Variants in ST6GALNAC5 observed in about 807,000 individuals in gnomAD.
ST6GALNAC5 encodes ST6 N-acetylgalactosaminide alpha-2,6-sialyltransferase 5, also known as alpha-N-acetylgalactosaminide alpha-2,6-sialyltransferase 5.
A neutral mutation model predicts 33.6 loss-of-function variants in ST6GALNAC5; 27 were observed. The observed-to-expected ratio is 0.80, with a 90% CI of 0.59 to 1.11. ST6GALNAC5 has a LOEUF of 1.11. Ranked by LOEUF, ST6GALNAC5 falls within the 50% of genes least tolerant of loss-of-function variation. The pLI is 0.00. For synonymous variants in ST6GALNAC5, 194 were observed against 171.2 expected (o/e 1.13, Z -1.04); for missense variants, 428 against 454.0 (o/e 0.94, Z 0.52).
chr1:76,898,851 G>A (rs777384540), intron 2 of ST6GALNAC5, among the ~76,000 whole-genome samples: 18 of 152,224 alleles, frequency 1.2e-4, no homozygotes, highest in African/African-American at 4.3e-4. Flanking sequence ...GCTCGGCCTG[G>A]CGAGGAAGGG....
At chr1:76,906,617 T>C (rs965623258) in intron 2 of ST6GALNAC5, among the ~76,000 whole-genome samples, 4 of 152,160 alleles carry the variant, frequency 2.6e-5, no homozygotes, top group Non-Finnish European at 4.4e-5. Flanking sequence ...CAAGAATTTA[T>C]AAAGATACTT....
At chr1:76,915,875 C>CAAAAAAAA (rs527844179) in intron 2 of ST6GALNAC5, among the ~76,000 whole-genome samples, 1 of 139,050 alleles carries the variant, frequency 7.2e-6, no homozygotes, top group African/African-American at 2.6e-5. Flanking sequence ...TGAAAAATAA[C>CAAAAAAAA]AAAAAAAAAA....
Position 77,061,556 on chromosome 1 carries a change from G to T in ST6GALNAC5, c.780-1419G>T, listed in dbSNP as rs555206925. Among the ~76,000 whole-genome samples, 77 of 152,350 alleles carry T rather than the reference G, an allele frequency of 5.1e-4. No homozygotes were observed. In the South Asian group the frequency reaches 0.016, roughly 31 times the overall value. ...TCAGGCTCTGAAAGATGATTTGCAA[G>T]ATGCTGGGAAGCCTGGGCCTTTTCT... is the stretch of plus-strand genomic sequence containing the variant. On this transcript the variant is annotated intron_variant, in intron 4 of 4. Transcript: ENST00000477717.
chr1:76,974,726 T>C (rs1397978933), intron 2 of ST6GALNAC5, among the ~76,000 whole-genome samples: 2 of 150,294 alleles, frequency 1.3e-5, no homozygotes, highest in Non-Finnish European at 3.0e-5. Flanking sequence ...AGTCTTATAA[T>C]TTCTTCTCTT....
At chr1:76,964,798 C>A (rs1307014328) in intron 2 of ST6GALNAC5, among the ~76,000 whole-genome samples, 2 of 152,078 alleles carry the variant, frequency 1.3e-5, no homozygotes, top group African/African-American at 4.8e-5. Flanking sequence ...AGATGTTCCC[C>A]ACCCTGTGTC....
intron 2 of ST6GALNAC5, among the ~76,000 whole-genome samples, chr1:76,890,007 G>T (rs982805631): frequency 6.6e-6 from 1 of 151,948 alleles, no homozygotes; most frequent in African/African-American, 2.4e-5. Context: ...TATGTGTGTT[G>T]TTTGTGTTCT....
chr1:76,959,004 T>A (rs189695491), intron 2 of ST6GALNAC5, among the ~76,000 whole-genome samples: 46 of 152,314 alleles, frequency 3.0e-4, no homozygotes, highest in African/African-American at 1.0e-3. Context: ...CCTCCTCCTC[T>A]GCCTCCTCCT....
chr1:77,006,098 T>G (rs1193340714), intron 2 of ST6GALNAC5, among the ~76,000 whole-genome samples: 1 of 152,128 alleles, frequency 6.6e-6, no homozygotes, highest in Non-Finnish European at 1.5e-5. Context: ...ACTCTATGTT[T>G]AATTTATTGA....
chr1:77,039,640 A>C (rs1184737203), intron 2 of ST6GALNAC5, among the ~76,000 whole-genome samples: 1 of 152,224 alleles, frequency 6.6e-6, no homozygotes, highest in Non-Finnish European at 1.5e-5. Flanking sequence ...GTATTAATTA[A>C]ATGATTTTTC....
intron 2 of ST6GALNAC5, among the ~76,000 whole-genome samples, chr1:76,979,636 G>T (rs553005450): frequency 7.9e-5 from 12 of 152,218 alleles, no homozygotes; most frequent in African/African-American, 2.9e-4. Context: ...AATTAAGACT[G>T]TAATGTAAGA....
intron 2 of ST6GALNAC5, among the ~76,000 whole-genome samples, chr1:76,939,280 A>G (rs1003855567): frequency 2.0e-5 from 3 of 152,050 alleles, no homozygotes; most frequent in Non-Finnish European, 4.4e-5. Flanking sequence ...AGGAAAGCGA[A>G]ACAACATTAT....
chr1:77,013,083 A>C (rs927139956), intron 2 of ST6GALNAC5, among the ~76,000 whole-genome samples: 3 of 152,168 alleles, frequency 2.0e-5, no homozygotes, highest in Non-Finnish European at 4.4e-5. Context: ...CAGTGTGTGC[A>C]CAAGAGGACA....
intron 2 of ST6GALNAC5, among the ~76,000 whole-genome samples, chr1:77,012,106 G>A (rs1650656539): frequency 6.6e-6 from 1 of 152,132 alleles, no homozygotes; most frequent in South Asian, 2.1e-4. Flanking sequence ...GCTGATCCAA[G>A]TGGCCTGAAG....
intron 2 of ST6GALNAC5, among the ~76,000 whole-genome samples, chr1:76,912,370 A>G (rs371074926): frequency 4.6e-5 from 7 of 151,888 alleles, no homozygotes; most frequent in African/African-American, 9.7e-5. Flanking sequence ...TGGAATAGGT[A>G]TGGTGTGGTG....
chr1:76,946,456 A>G (rs1647521312), intron 2 of ST6GALNAC5, among the ~76,000 whole-genome samples: 1 of 152,186 alleles, frequency 6.6e-6, no homozygotes, highest in Admixed American at 6.5e-5. Context: ...GGCTGTCTTT[A>G]GCACTGTGCA....
At chr1:76,982,299 C>T (rs1649288928) in intron 2 of ST6GALNAC5, among the ~76,000 whole-genome samples, 1 of 152,104 alleles carries the variant, frequency 6.6e-6, no homozygotes, top group South Asian at 2.1e-4. Flanking sequence ...CTAGAATAAA[C>T]AGTAAAGAGA....
At chr1:76,950,801 A>G (rs1647713483) in intron 2 of ST6GALNAC5, among the ~76,000 whole-genome samples, 1 of 152,192 alleles carries the variant, frequency 6.6e-6, no homozygotes, top group Non-Finnish European at 1.5e-5. Flanking sequence ...GAATGGGCCA[A>G]AAATATCTGC....
chr1:76,875,569 ATTG>A (rs1653619635), intron 2 of ST6GALNAC5, among the ~76,000 whole-genome samples: 2 of 152,112 alleles, frequency 1.3e-5, no homozygotes, highest in South Asian at 4.2e-4. Flanking sequence ...TAATGGAATC[ATTG>A]TTGTGTCTCC....
intron 2 of ST6GALNAC5, among the ~76,000 whole-genome samples, chr1:77,035,342 C>T (rs1651610671): frequency 6.6e-6 from 1 of 152,194 alleles, no homozygotes; most frequent in African/African-American, 2.4e-5. Context: ...AAATATGTCC[C>T]AGCTACTGCT....
Sources: gnomAD v4.1 joint callset for allele counts (sites outside exome capture counted in the v4.1 genomes callset) on GRCh38, gnomAD v4.1.1 for gene constraint, MANE v1.5 for transcripts, NCBI Gene and HGNC (gene_info 2026-07-23, HGNC 2026-07-21) for gene names.